The following RTN4 variants were observed in gnomAD, a reference collection of about 807,000 sequenced individuals.
RTN4 encodes the protein reticulon 4.
A neutral mutation model predicts 90.4 loss-of-function variants in RTN4; 32 were observed. That is an observed-to-expected ratio of 0.35 (90% confidence interval 0.27 to 0.48). RTN4 has a LOEUF of 0.48. Ranked by LOEUF, RTN4 falls within the 20% of genes least tolerant of loss-of-function variation. The pLI, the probability that RTN4 is intolerant of heterozygous loss-of-function variation, is 0.99. For synonymous variants in RTN4, 629 were observed against 552.5 expected, an observed-to-expected ratio of 1.14 and a Z score of -1.94; for missense variants, 1,706 against 1,430.2, an observed-to-expected ratio of 1.19 and a Z score of -3.11.
chr2:55,100,127 A>C (rs1025879133), intron 1 of RTN4, among the ~76,000 whole-genome samples: 1 of 152,142 alleles, frequency 6.6e-6, no homozygotes, highest in African/African-American at 2.4e-5. Context: ...AAATTCAACA[A>C]AACAAATGGC....
At chr2:55,095,922 G>T (rs181711623) in intron 1 of RTN4, among the ~76,000 whole-genome samples, 1 of 152,300 alleles carries the variant, frequency 6.6e-6, no homozygotes, top group Non-Finnish European at 1.5e-5. Flanking sequence ...GCAATTTGTA[G>T]AATGTCCCTC....
intron 2 of RTN4, among the ~76,000 whole-genome samples, chr2:55,069,691 G>A (rs908760375): frequency 1.3e-5 from 2 of 152,208 alleles, no homozygotes; most frequent in Non-Finnish European, 2.9e-5. Context: ...CAGATAAGCA[G>A]TCTCCCAGAG....
At chr2:55,101,306 T>C (rs1667848795) in intron 1 of RTN4, among the ~76,000 whole-genome samples, 1 of 152,032 alleles carries the variant, frequency 6.6e-6, no homozygotes, top group African/African-American at 2.4e-5. Flanking sequence ...AAAATGTTTA[T>C]TTTTTTGAAA....
At chr2:55,063,240 A>G (rs1391958158) in intron 2 of RTN4, among the ~76,000 whole-genome samples, 1 of 152,258 alleles carries the variant, frequency 6.6e-6, no homozygotes, top group East Asian at 1.9e-4. Flanking sequence ...AGAAGATGGG[A>G]ATAGAAGATA....
Position 55,026,104 on chromosome 2 carries a change from TAC to T in RTN4, c.1993_1994del (p.Val665IlefsTer13). The T allele has an allele frequency of 6.2e-7, 1 of 1,613,156 alleles. No homozygotes were observed. Among genetic ancestry groups the T allele is most frequent in the Non-Finnish European group, 8.5e-7 (1 of 1,179,748 alleles). On this transcript the variant is annotated frameshift_variant, in exon 3 of 9. Coordinates refer to ENST00000337526, the MANE Select transcript of RTN4 (RefSeq NM_020532.5). LOFTEE classifies it high-confidence loss of function. ...NPPPYEEAMS[V>X]SLKKVSGIKE... ...TTATTCCTGATACTTTTTTTAGTGA[TAC>T]ACTCATGGCCTCTTCATATGGTGGG...
chr2:55,117,310 G>C (rs992694971), upstream of RTN4, among the ~76,000 whole-genome samples: 1 of 152,112 alleles, frequency 6.6e-6, no homozygotes, highest in Non-Finnish European at 1.5e-5. Flanking sequence ...ATTGGGTTTC[G>C]AGGCTCCTGA....
intron 3 of RTN4, among the ~76,000 whole-genome samples, chr2:54,990,554 A>G (rs1231562909): frequency 6.6e-6 from 1 of 152,192 alleles, no homozygotes; most frequent in Non-Finnish European, 1.5e-5. Flanking sequence ...TACCACAATC[A>G]CAATCATCTT....
At chr2:55,084,303 CTTTT>C (rs145530803) in intron 1 of RTN4, among the ~76,000 whole-genome samples, 3 of 141,174 alleles carry the variant, frequency 2.1e-5, no homozygotes, top group Non-Finnish European at 3.1e-5. Flanking sequence ...TCCCCCCTGC[CTTTT>C]TTTTTTTTTT....
At chr2:55,060,340 G>A (rs1370088387) in intron 2 of RTN4, among the ~76,000 whole-genome samples, 2 of 152,106 alleles carry the variant, frequency 1.3e-5, no homozygotes, top group Non-Finnish European at 2.9e-5. Context: ...CAGTTCCATA[G>A]TTTTTCATAC....
Position 55,093,891 on chromosome 2 carries a change from T to C in RTN4, c.-213-13252A>G, listed in dbSNP as rs574370307. 7.9e-5 allele frequency among the ~76,000 whole-genome samples: 12 copies of C among 152,296 alleles called. No homozygotes were observed. In the South Asian group the frequency reaches 2.5e-3, roughly 32 times the overall value. ...AAGGGAAATAGAATTGGGAAAGGAA[T>C]TATAAGGAAGAGAATTTTCTTGCTT... On this transcript the variant is annotated intron_variant, in intron 1 of 3. Coordinates refer to the RTN4 transcript ENST00000427710.
intron 1 of RTN4, among the ~76,000 whole-genome samples, chr2:55,032,731 A>T (rs553171980): frequency 1.3e-5 from 2 of 152,046 alleles, no homozygotes; most frequent in African/African-American, 4.8e-5. Flanking sequence ...CAGTCCCCTT[A>T]AAAAAAGCAA....
At chr2:55,033,738 C>G (rs1682489105) in intron 1 of RTN4, among the ~76,000 whole-genome samples, 3 of 152,048 alleles carry the variant, frequency 2.0e-5, no homozygotes, top group African/African-American at 4.8e-5. Context: ...AATAAGATGT[C>G]TTTATTTTTT....
intron 1 of RTN4, among the ~76,000 whole-genome samples, chr2:55,047,327 CA>C (rs71799240): frequency 0.23 from 25,077 of 109,658 alleles, 3,000 homozygotes; most frequent in African/African-American, 0.4. Context: ...GAGACTATCT[CA>C]AAAAAAAAAA....
At chr2:55,024,994 T>C in intron 3 of RTN4, 92 bp downstream of exon 3, 3 of 1,432,104 alleles carry the variant, frequency 2.1e-6, no homozygotes, top group Non-Finnish European at 2.8e-6. Flanking sequence ...TATGAGACAC[T>C]ATAAACATAA....
intron 2 of RTN4, among the ~76,000 whole-genome samples, chr2:55,070,215 G>C (rs1668461912): frequency 6.6e-6 from 1 of 151,968 alleles, no homozygotes; most frequent in South Asian, 2.1e-4. Flanking sequence ...CTACTCACTA[G>C]ATGCCAGTAA....
chr2:55,131,745 G>A, the RTN4 span, among the ~76,000 whole-genome samples: 4 of 152,010 alleles, frequency 2.6e-5, no homozygotes, highest in South Asian at 4.1e-4. Context: ...TTAGCCGGGC[G>A]TGGTGGTGTG....
rs543903613 is a variant in RTN4, at chr2:55,085,286, G to T, written c.-213-4647C>A. 6.6e-5 allele frequency among the ~76,000 whole-genome samples: 10 copies of T among 151,834 alleles called. No individual in the cohort carries two copies. In the East Asian group the frequency reaches 1.4e-3, roughly 21 times the overall value. On this transcript the variant is annotated intron_variant, in intron 1 of 3. Transcript: ENST00000427710. Reference sequence around the variant, plus strand: ...ACACAGTGTGTAATAGGTGTGTGTGGGGGTGTGTGTGTATATATACATATA... The same window carrying T: ...ACACAGTGTGTAATAGGTGTGTGTGTGGGTGTGTGTGTATATATACATATA...
intron 2 of RTN4, among the ~76,000 whole-genome samples, chr2:55,074,091 T>C (rs1257483770): frequency 6.6e-6 from 1 of 152,224 alleles, no homozygotes; most frequent in East Asian, 1.9e-4. Context: ...ATTTCAGGTG[T>C]TCTGTCTCAG....
chr2:55,133,230 TA>T, the RTN4 span, among the ~76,000 whole-genome samples: 3 of 152,020 alleles, frequency 2.0e-5, no homozygotes, highest in Non-Finnish European at 2.9e-5. Context: ...AAACTAAAAA[TA>T]AAAAAATTTG....
Sources: gnomAD v4.1 joint callset for allele counts (sites outside exome capture counted in the v4.1 genomes callset) on GRCh38, gnomAD v4.1.1 for gene constraint, MANE v1.5 for transcripts, NCBI Gene and HGNC (gene_info 2026-07-23, HGNC 2026-07-21) for gene names.